COLEC10: variants seen among roughly 807,000 people sequenced by gnomAD.
COLEC10 encodes collectin subfamily member 10, also known as collectin-10.
In COLEC10, 22 loss-of-function variants were observed where a neutral mutation model predicts 28.4. That is an observed-to-expected ratio of 0.78 (90% CI 0.55 to 1.11). The LOEUF (loss-of-function observed/expected upper bound fraction) is 1.11. COLEC10 is among the 50% of genes least tolerant of loss of function. The pLI, the probability that COLEC10 is intolerant of heterozygous loss-of-function variation, is 0.00. For missense variants in COLEC10, 361 were observed against 344.1 expected, an observed-to-expected ratio of 1.05 and a Z score of -0.39; for synonymous variants, 125 against 116.1, an observed-to-expected ratio of 1.08 and a Z score of -0.49.
chr8:119,073,612 ATC>A (rs1463561870), intron 1 of COLEC10, among the ~76,000 whole-genome samples: 8 of 152,092 alleles, frequency 5.3e-5, no homozygotes, highest in Admixed American at 4.6e-4. Flanking sequence ...ACAATTTTTC[ATC>A]TCTCTTTTCC....
At chr8:118,979,519 T>A in the COLEC10 span, among the ~76,000 whole-genome samples, 1 of 152,090 alleles carries the variant, frequency 6.6e-6, no homozygotes, top group East Asian at 1.9e-4. Flanking sequence ...GTGGCATATT[T>A]GTTTTCAGTT....
chr8:119,026,120 T>C (rs898176538), intron 2 of COLEC10, among the ~76,000 whole-genome samples: 1 of 152,210 alleles, frequency 6.6e-6, no homozygotes, highest in African/African-American at 2.4e-5. Context: ...TTTAAGTACA[T>C]TTTTATTGAA....
intron 2 of COLEC10, among the ~76,000 whole-genome samples, chr8:119,051,796 C>A (rs565135125): frequency 6.6e-6 from 1 of 151,968 alleles, no homozygotes; most frequent in East Asian, 1.9e-4. Context: ...ATGTGGCAAG[C>A]GATAAAGTTA....
At chr8:119,053,683 A>AGG (rs879481322) in intron 2 of COLEC10, among the ~76,000 whole-genome samples, 1 of 94,798 alleles carries the variant, frequency 1.1e-5, no homozygotes, top group Non-Finnish European at 2.0e-5. Flanking sequence ...TTAAAAAAAA[A>AGG]GGTGGGGGGG....
chr8:119,071,719 CCTT>C (rs1444094529), intron 1 of COLEC10, among the ~76,000 whole-genome samples: 28 of 152,208 alleles, frequency 1.8e-4, no homozygotes, highest in Admixed American at 5.2e-4. Context: ...GGATACCAGT[CCTT>C]CTTGCTGAGC....
intron 1 of COLEC10, among the ~76,000 whole-genome samples, chr8:119,084,683 G>C (rs914349813): frequency 6.6e-6 from 1 of 152,160 alleles, no homozygotes; most frequent in African/African-American, 2.4e-5. Flanking sequence ...TTATATAGGA[G>C]TTTGTTCTTA....
chr8:119,067,410 A>T lies in COLEC10; in HGVS notation c.129A>T (p.Thr43=), dbSNP rs1474855005. The T allele has an allele frequency of 3.1e-6, 5 of 1,613,768 alleles. No homozygotes were observed. Among genetic ancestry groups the T allele is most frequent in the Non-Finnish European group, 4.2e-6 (5 of 1,179,892 alleles). ...RPTAEVCATH[T]ISPGPKGDDG... is the part of the protein sequence containing the mutation. ...CCGCTGAAGTCTGTGCCACACACAC[A>T]ATTTCACCAGGACCCAAAGGTGAGG... The change falls in exon 1 of 6, where the codon ACA becomes ACT. Residue 43 remains threonine (T), a synonymous_variant. Coordinates refer to ENST00000332843, the MANE Select transcript of COLEC10 (RefSeq NM_006438.5).
chr8:119,068,571 G>T (rs553269831), intron 1 of COLEC10: 19 of 152,230 alleles, frequency 1.2e-4, no homozygotes, highest in Admixed American at 9.8e-4. Context: ...TGTCATGGGG[G>T]CATTGAAAAT....
intron 1 of COLEC10, among the ~76,000 whole-genome samples, chr8:119,082,053 G>A (rs1815381073): frequency 6.6e-6 from 1 of 152,138 alleles, no homozygotes; most frequent in South Asian, 2.1e-4. Flanking sequence ...AGCAGGGATG[G>A]GAGGAAAAAG....
At chr8:119,051,436 T>C (rs986410307) in intron 2 of COLEC10, among the ~76,000 whole-genome samples, 3 of 152,182 alleles carry the variant, frequency 2.0e-5, no homozygotes, top group Non-Finnish European at 2.9e-5. Flanking sequence ...ATGAAGAAGA[T>C]GGAGATAATT....
upstream of COLEC10, among the ~76,000 whole-genome samples, chr8:118,992,021 T>C (rs1383669893): frequency 1.3e-5 from 2 of 152,106 alleles, no homozygotes; most frequent in Admixed American, 1.3e-4. Flanking sequence ...CTAGAGTTGA[T>C]AAGAAATTTG....
chr8:118,987,125 C>T, the COLEC10 span, among the ~76,000 whole-genome samples: 5 of 152,034 alleles, frequency 3.3e-5, no homozygotes, highest in Admixed American at 3.3e-4. Flanking sequence ...GGAATGCTTG[C>T]GGAACTGTTC....
chr8:119,029,395 T>C (rs1814249199), intron 2 of COLEC10, among the ~76,000 whole-genome samples: 1 of 152,130 alleles, frequency 6.6e-6, no homozygotes, highest in African/African-American at 2.4e-5. Flanking sequence ...CATTCACTAT[T>C]TCTTTGTCTT....
At chr8:118,960,700 G>A in the COLEC10 span, among the ~76,000 whole-genome samples, 14 of 149,838 alleles carry the variant, frequency 9.3e-5, no homozygotes, top group South Asian at 2.1e-4. Context: ...CAGGAGAATC[G>A]CTTGAACCGG....
chr8:119,056,919 A>G (rs1814771952), intron 2 of COLEC10, among the ~76,000 whole-genome samples: 2 of 152,166 alleles, frequency 1.3e-5, no homozygotes, highest in African/African-American at 2.4e-5. Context: ...TCAATCAATT[A>G]TACTTTCAGT....
rs867463837 is a variant in COLEC10, at chr8:119,069,645, T to C, written c.148+2216T>C. On this transcript the variant is annotated intron_variant, in intron 1 of 5. Transcript: ENST00000332843. ...AAAAAAAAAAATATATATATATATA[T>C]ATATATATATATATATGTAAACTGC... Among the ~76,000 whole-genome samples the C allele has an allele frequency of 2.2e-4, 20 of 90,732 alleles. 2 individuals carry two copies. Among genetic ancestry groups the C allele is most frequent in the Admixed American group, 1.1e-3 (8 of 7,414 alleles). 59.5% of individuals were successfully genotyped at this position (90,732 alleles called of 152,430 possible).
chr8:118,984,581 G>A, the COLEC10 span, among the ~76,000 whole-genome samples: 1 of 152,074 alleles, frequency 6.6e-6, no homozygotes, highest in Non-Finnish European at 1.5e-5. Context: ...TGTGGCTCGT[G>A]TTTTGATATG....
chr8:119,089,737 G>C lies in COLEC10; in HGVS notation c.206G>C (p.Arg69Pro), dbSNP rs200624515. Residue 69 changes from arginine to proline, a missense_variant, in exon 2 of 6, where the codon CGC becomes CCC. Transcript: ENST00000332843. ...GAGGGAAAGCATGGCAAAGTGGGAC[G>C]CATGGGGCCGAAAGGTAACTAAAAT... Reference protein sequence around the residue: ...GEEGKHGKVGRMGPKGIKGEL... With the variant: ...GEEGKHGKVGPMGPKGIKGEL... 5 of 1,613,062 alleles carry C rather than the reference G, an allele frequency of 3.1e-6. No homozygotes were observed. Among genetic ancestry groups the C allele is most frequent in the South Asian group, 2.2e-5 (2 of 91,062 alleles).
chr8:118,979,735 T>G, the COLEC10 span, among the ~76,000 whole-genome samples: 2 of 152,272 alleles, frequency 1.3e-5, no homozygotes, highest in East Asian at 3.9e-4. Context: ...AATGGATGCA[T>G]GAACAGACAG....
Sources: gnomAD v4.1 joint callset for allele counts (sites outside exome capture counted in the v4.1 genomes callset) on GRCh38, gnomAD v4.1.1 for gene constraint, MANE v1.5 for transcripts, NCBI Gene and HGNC (gene_info 2026-07-23, HGNC 2026-07-21) for gene names.